MARK1: variants seen among roughly 807,000 people sequenced by gnomAD.
MARK1 encodes the protein serine/threonine-protein kinase MARK1.
In MARK1, 40 loss-of-function variants were observed where a neutral mutation model predicts 96.3. The observed-to-expected ratio is 0.42, with a 90% CI of 0.32 to 0.54. The LOEUF (loss-of-function observed/expected upper bound fraction) is 0.54. MARK1 is among the 20% of genes least tolerant of loss of function. The probability of loss-of-function intolerance (pLI) is 0.16; values close to 1 mark genes in which losing one functional copy is unlikely to be tolerated. For synonymous variants in MARK1, 317 were observed against 341.2 expected, an observed-to-expected ratio of 0.93 and a Z score of 0.78; for missense variants, 719 against 984.6, an observed-to-expected ratio of 0.73 and a Z score of 3.61.
At chr1:220,565,570 C>CG (rs1168838914) in intron 1 of MARK1, among the ~76,000 whole-genome samples, 3 of 138,696 alleles carry the variant, frequency 2.2e-5, no homozygotes, top group East Asian at 2.2e-4. Context: ...GAGCGGGGGT[C>CG]GGGGGGAGGG....
chr1:220,545,718 G>T (rs2102726185), intron 1 of MARK1, among the ~76,000 whole-genome samples: 1 of 152,156 alleles, frequency 6.6e-6, no homozygotes, highest in East Asian at 1.9e-4. Flanking sequence ...GAAATTACAG[G>T]CATGAGCCAC....
At chr1:220,659,095 TA>T (rs1413591023) in intron 17 of MARK1, among the ~76,000 whole-genome samples, 1 of 152,234 alleles carries the variant, frequency 6.6e-6, no homozygotes, top group Non-Finnish European at 1.5e-5. Context: ...ATAATTTTAT[TA>T]CATTATAAGA....
intron 17 of MARK1, among the ~76,000 whole-genome samples, chr1:220,658,322 G>A (rs1048015795): frequency 9.9e-5 from 15 of 152,092 alleles, no homozygotes; most frequent in African/African-American, 3.6e-4. Flanking sequence ...CATGCTAGTT[G>A]TATATTCATT....
chr1:220,652,259 T>C, intron 15 of MARK1, 109 bp downstream of exon 15: 1 of 839,792 alleles, frequency 1.2e-6, no homozygotes, highest in South Asian at 3.9e-5. Flanking sequence ...CTAATAAGAT[T>C]CAGTGTTTGT....
intron 1 of MARK1, among the ~76,000 whole-genome samples, chr1:220,559,951 A>G (rs1005807056): frequency 3.3e-5 from 5 of 152,132 alleles, no homozygotes; most frequent in African/African-American, 4.8e-5. Context: ...CACTGCTGAT[A>G]AAGACATACC....
intron 1 of MARK1, among the ~76,000 whole-genome samples, chr1:220,539,180 A>G (rs1660949235): frequency 6.6e-6 from 1 of 150,768 alleles, no homozygotes; most frequent in Non-Finnish European, 1.5e-5. Context: ...GTTTTTGCCC[A>G]TTCAGTATGA....
intron 1 of MARK1, among the ~76,000 whole-genome samples, chr1:220,541,542 G>A (rs1338731357): frequency 1.3e-5 from 2 of 152,084 alleles, no homozygotes; most frequent in Admixed American, 1.3e-4. Context: ...TTGTGTCGCC[G>A]TCTATTCCTG....
At chr1:220,641,667 C>T (rs184659428) in intron 13 of MARK1, among the ~76,000 whole-genome samples, 35 of 151,878 alleles carry the variant, frequency 2.3e-4, no homozygotes, top group African/African-American at 7.2e-4. Flanking sequence ...CATCTCCCAC[C>T]GAGAGGAACG....
intron 3 of MARK1, among the ~76,000 whole-genome samples, chr1:220,585,258 A>G (rs1196379506): frequency 2.0e-5 from 3 of 152,208 alleles, no homozygotes; most frequent in Admixed American, 6.5e-5. Flanking sequence ...TTGGTTTTGG[A>G]CAAAGTACTG....
intron 10 of MARK1, 42 bp downstream of exon 10, chr1:220,631,176 CAAGT>C (rs1258496862): frequency 1.5e-6 from 2 of 1,369,420 alleles, no homozygotes; most frequent in Non-Finnish European, 2.1e-6. Context: ...CCCTAGGCAA[CAAGT>C]AAGAGTCCTT....
At chr1:220,591,684 A>G (rs1414793817) in intron 3 of MARK1, among the ~76,000 whole-genome samples, 4 of 152,332 alleles carry the variant, frequency 2.6e-5, no homozygotes, top group East Asian at 1.9e-4. Context: ...TAACACTTCT[A>G]TTGTACACAC....
chr1:220,652,052 A>G lies in MARK1; in HGVS notation c.1638A>G (p.Ser546=), dbSNP rs141690111. The G allele has an allele frequency of 7.7e-5, 124 of 1,613,580 alleles. 1 individual carries two copies. The Middle Eastern group carries it at 8.2e-4, about 11-fold the overall frequency. ...CTTCTGTGGCCTCTGCTGTCCCCTCAGCACGACCCCGCCACCAGAAGTCCA... is the reference window on the plus strand; with the variant it reads ...CTTCTGTGGCCTCTGCTGTCCCCTCGGCACGACCCCGCCACCAGAAGTCCA... The part of the protein sequence containing the change: ...AGSSVASAVP[S]ARPRHQKSMS... Residue 546 remains serine, a synonymous_variant, in exon 15 of 18, where the codon TCA becomes TCG. Transcript: ENST00000366917.
rs1300402356 is a variant in MARK1, at chr1:220,618,955, C to T, written c.909+200C>T. On this transcript the variant is annotated intron_variant, in intron 9 of 17. Coordinates refer to ENST00000366917, the MANE Select transcript of MARK1 (RefSeq NM_018650.5). This position sits in a 1 kb window ranked among gnomAD's most constrained non-coding sequence, Gnocchi z 4.6. Reference sequence around the variant, plus strand: ...TAGCTGTCTCTAAAAACTATTATTTCCTCTTTGTTCTGCAGTGCCGTATTA... The same window carrying T: ...TAGCTGTCTCTAAAAACTATTATTTTCTCTTTGTTCTGCAGTGCCGTATTA... 3.3e-5 allele frequency among the ~76,000 whole-genome samples: 5 copies of T among 152,090 alleles called. No individual in the cohort carries two copies. Among genetic ancestry groups the T allele is most frequent in the African/African-American group, 7.2e-5 (3 of 41,390 alleles).
At chr1:220,644,182 G>A (rs1258107643) in intron 13 of MARK1, among the ~76,000 whole-genome samples, 1 of 152,108 alleles carries the variant, frequency 6.6e-6, no homozygotes, top group East Asian at 1.9e-4. Flanking sequence ...TATCTCATGT[G>A]CAGAGACACA....
chr1:220,636,193 C>G (rs1667955863), intron 13 of MARK1, among the ~76,000 whole-genome samples, 167 bp downstream of exon 13: 1 of 152,000 alleles, frequency 6.6e-6, no homozygotes, highest in Admixed American at 6.6e-5. Context: ...AAGTTAAAAA[C>G]AACAAAAAAG....
chr1:220,578,886 A>G (rs1344559025), intron 1 of MARK1, among the ~76,000 whole-genome samples: 2 of 152,102 alleles, frequency 1.3e-5, no homozygotes, highest in Non-Finnish European at 2.9e-5. Flanking sequence ...TCTGTCACCC[A>G]GGCTGGAGTG....
chr1:220,549,280 A>G (rs1661704750), intron 1 of MARK1, among the ~76,000 whole-genome samples: 1 of 152,222 alleles, frequency 6.6e-6, no homozygotes, highest in South Asian at 2.1e-4. Context: ...AAATGGAACA[A>G]AAGTGTCTAC....
intron 6 of MARK1, among the ~76,000 whole-genome samples, chr1:220,606,874 G>T (rs1262054860): frequency 6.6e-6 from 1 of 152,078 alleles, no homozygotes; most frequent in East Asian, 1.9e-4. Flanking sequence ...CTGTTCCATT[G>T]GTCTGTATTT....
At chr1:220,564,613 T>C (rs1414226276) in intron 1 of MARK1, among the ~76,000 whole-genome samples, 1 of 152,176 alleles carries the variant, frequency 6.6e-6, no homozygotes, top group East Asian at 1.9e-4. Flanking sequence ...CTGTTTAATG[T>C]TGGGAAACAA....
Sources: gnomAD v4.1 joint callset for allele counts (sites outside exome capture counted in the v4.1 genomes callset) on GRCh38, gnomAD v4.1.1 for gene constraint, Gnocchi (gnomAD v3.1) non-coding constraint, MANE v1.5 for transcripts, NCBI Gene and HGNC (gene_info 2026-07-23, HGNC 2026-07-21) for gene names.